Variants in TAF4 observed in about 807,000 individuals in gnomAD.
TAF4 encodes the protein TATA-box binding protein associated factor 4, also known as transcription initiation factor TFIID subunit 4.
In TAF4, 9 loss-of-function variants were observed where a neutral mutation model predicts 90.3. The observed-to-expected ratio is 0.10, with a 90% CI of 0.06 to 0.17. The LOEUF is 0.17. TAF4 is among the 10% of genes least tolerant of loss of function. The pLI, the probability that TAF4 is intolerant of heterozygous loss-of-function variation, is 1.00. For missense variants in TAF4, 1,351 were observed against 1,370.7 expected (o/e 0.99, Z 0.23); for synonymous variants, 818 against 638.9 (o/e 1.28, Z -4.23).
In TAF4 at chr20:62,001,223, T is replaced by C. The variant is rs557741919; in HGVS notation, c.2487-502A>G. Among the ~76,000 whole-genome samples, 10 of 152,288 alleles carry C rather than the reference T, an allele frequency of 6.6e-5. No homozygotes were observed. The East Asian group carries it at 1.2e-3, about 18-fold the overall frequency. On this transcript the variant is annotated intron_variant, in intron 9 of 14. Coordinates refer to ENST00000252996, the MANE Select transcript of TAF4 (RefSeq NM_003185.4). Reference sequence around the variant, plus strand: ...CATCCCCTCCAGAAGCAGGATGCCATTGAGACCGGGCCATGATGAATGGCC... The same window carrying C: ...CATCCCCTCCAGAAGCAGGATGCCACTGAGACCGGGCCATGATGAATGGCC...
At chr20:61,998,074 C>G in intron 13 of TAF4, 62 bp downstream of exon 13, 3 of 1,520,134 alleles carry the variant, frequency 2.0e-6, no homozygotes, top group Non-Finnish European at 2.7e-6. Flanking sequence ...TAGCCCCCCT[C>G]CCGTGGGGCG....
In TAF4 at chr20:62,038,909, C is replaced by T. The variant is rs140965440; in HGVS notation, c.1361-24202G>A. Among the ~76,000 whole-genome samples, 129 of 152,216 alleles carry T rather than the reference C, an allele frequency of 8.5e-4. 3 individuals are homozygous for T. In the Middle Eastern group the frequency reaches 0.01, roughly 12 times the overall value. On this transcript the variant is annotated intron_variant, in intron 1 of 14. Coordinates refer to ENST00000252996, the MANE Select transcript of TAF4 (RefSeq NM_003185.4). ...CTCTACTAAAAATACAAAAATTAGC[C>T]GGGTGTGGTGGCACGTGCCTGTAAT...
intron 4 of TAF4, among the ~76,000 whole-genome samples, chr20:62,009,383 C>A (rs1003684320): frequency 2.6e-5 from 4 of 152,254 alleles, no homozygotes; most frequent in Non-Finnish European, 5.9e-5. Context: ...GCATCTCCCT[C>A]AGCCCCGCAA....
rs142397291 is a variant in TAF4 at position 62,061,153 on chromosome 20, G to A, written c.1360+3298C>T. On this transcript the variant is annotated intron_variant, in intron 1 of 14. Transcript: ENST00000252996. ...GCCAGAGCACTGGCTGCCACCACTGGCCACCAGAACTCACAGCTCCTGCAA... is the reference window on the plus strand; with the variant it reads ...GCCAGAGCACTGGCTGCCACCACTGACCACCAGAACTCACAGCTCCTGCAA... Among the ~76,000 whole-genome samples the A allele has an allele frequency of 3.9e-5, 6 of 152,306 alleles. No homozygotes were observed. The East Asian group carries it at 1.2e-3, about 29-fold the overall frequency.
intron 1 of TAF4, among the ~76,000 whole-genome samples, chr20:62,030,075 G>A (rs946083314): frequency 3.3e-5 from 5 of 152,142 alleles, no homozygotes; most frequent in Admixed American, 2.0e-4. Flanking sequence ...CAATGCCAGC[G>A]CTGCGAGGCC....
chr20:61,999,034 T>C lies in TAF4; in HGVS notation c.2862A>G (p.Glu954=), dbSNP rs543105327. The C allele has an allele frequency of 2.3e-4, 375 of 1,614,098 alleles. 6 individuals carry two copies. The South Asian group carries it at 3.2e-3, about 14-fold the overall frequency. ...GCTCCTGCTCATCCTTCCTCTGCTTTTCGATTTGATCAAGCTGTTCAAAAA... is the reference window on the plus strand; with the variant it reads ...GCTCCTGCTCATCCTTCCTCTGCTTCTCGATTTGATCAAGCTGTTCAAAAA... ...LKFFEQLDQI[E]KQRKDEQERE... is the part of the protein sequence containing the mutation. The change falls in exon 12 of 15, where the codon GAA becomes GAG. Residue 954 remains glutamate, a synonymous_variant. Coordinates refer to ENST00000252996, the MANE Select transcript of TAF4 (RefSeq NM_003185.4).
intron 1 of TAF4, among the ~76,000 whole-genome samples, chr20:62,044,776 G>A (rs1482869983): frequency 6.6e-6 from 1 of 152,192 alleles, no homozygotes; most frequent in Admixed American, 6.5e-5. Context: ...AATGTGACCA[G>A]CATGACCAGC....
chr20:62,059,204 G>T (rs2056076504), intron 1 of TAF4, among the ~76,000 whole-genome samples: 1 of 152,240 alleles, frequency 6.6e-6, no homozygotes, highest in African/African-American at 2.4e-5. Context: ...GCAGAAGGCA[G>T]GCCTGGAGAA....
chr20:62,062,397 G>A (rs900030016), intron 1 of TAF4, among the ~76,000 whole-genome samples: 1 of 151,850 alleles, frequency 6.6e-6, no homozygotes, highest in Non-Finnish European at 1.5e-5. Flanking sequence ...TAGTTTTATT[G>A]ATACTTTTTT....
chr20:62,052,442 T>C (rs1017955004), intron 1 of TAF4, among the ~76,000 whole-genome samples: 3 of 151,974 alleles, frequency 2.0e-5, no homozygotes, highest in African/African-American at 7.3e-5. Context: ...AGCACTGCCA[T>C]CTGGAACCAG....
intron 1 of TAF4, among the ~76,000 whole-genome samples, chr20:62,032,132 A>G (rs1364345447): frequency 6.6e-6 from 1 of 152,224 alleles, no homozygotes; most frequent in Non-Finnish European, 1.5e-5. Flanking sequence ...TTGATCTGCT[A>G]ACTTAAAAAC....
chr20:62,010,108 C>A lies in TAF4; in HGVS notation c.1699G>T (p.Val567Phe). ...GTGCGCTGAGGAGTCCCCGTCTGAA[C>A]AGCCGTCGCCGTCCCAAGTGAAGCC... ...QTASLGTATA[V>F]QTGTPQRTVP... Residue 567 changes from valine to phenylalanine, a missense_variant, in exon 4 of 15, where the codon GTT becomes TTT. Around this residue, in one of 9 missense-constraint regions of TAF4, gnomAD observed 143 missense variants for 176.3 expected, o/e 0.81. Transcript: ENST00000252996. The surrounding 1 kb of genome is among the most constrained non-coding windows in gnomAD (Gnocchi z 4.5). 6.2e-7 allele frequency: 1 copy of A among 1,613,964 alleles called. No individual in the cohort carries two copies. Among genetic ancestry groups the A allele is most frequent in the Non-Finnish European group, 8.5e-7 (1 of 1,180,026 alleles).
In TAF4 at chr20:61,976,073, A is replaced by T; in HGVS notation, c.*95T>A. The T allele has an allele frequency of 7.5e-7, 1 of 1,341,040 alleles. No individual in the cohort carries two copies. The highest frequency in any genetic ancestry group is 1.8e-5 in the Admixed American group (1 of 55,626). 83.1% of individuals were successfully genotyped at this position (1,341,040 alleles called of 1,614,324 possible). A position where few individuals can be genotyped will look rare whatever the true frequency, so the allele number is the denominator to read the frequency against. ...CAGGAATATAAAACTGTTCCATTGT[A>T]AAGAGGTGGCTGTTTTTTAAACAAT... is the stretch of plus-strand genomic sequence containing the variant. On this transcript the variant is annotated 3_prime_UTR_variant, in exon 15 of 15. Coordinates refer to ENST00000252996, the MANE Select transcript of TAF4 (RefSeq NM_003185.4).
chr20:62,027,838 T>C (rs1301182384), intron 1 of TAF4, among the ~76,000 whole-genome samples: 1 of 152,204 alleles, frequency 6.6e-6, no homozygotes, highest in African/African-American at 2.4e-5. Context: ...CATCGCTCCA[T>C]GCGCACGGGG....
At chr20:62,000,065 C>A in intron 11 of TAF4, 59 bp downstream of exon 11, 2 of 1,612,770 alleles carry the variant, frequency 1.2e-6, no homozygotes, top group East Asian at 2.2e-5. Flanking sequence ...AGGCTCCCAG[C>A]CAGCAGAGAG....
Position 62,009,070 on chromosome 20 carries a change from C to T in TAF4, c.1866G>A (p.Glu622=). The T allele has an allele frequency of 6.2e-7, 1 of 1,613,128 alleles. No homozygotes were observed. The highest frequency in any genetic ancestry group is 1.7e-4 in the Middle Eastern group (1 of 6,058). The change falls in exon 5 of 15, where the codon GAG becomes GAA. Residue 622 remains glutamate, a synonymous_variant. Coordinates refer to ENST00000252996, the MANE Select transcript of TAF4 (RefSeq NM_003185.4). ...TTCTCACCAGTAAATTCTGCACGAG[C>T]TCTTTCACATTAGCTGCTGTCTCTG... is the stretch of plus-strand genomic sequence containing the variant. ...QSTETAANVK[E]LVQNLLDGKI...
intron 1 of TAF4, among the ~76,000 whole-genome samples, chr20:62,057,175 G>A (rs767580598): frequency 3.9e-5 from 6 of 152,156 alleles, no homozygotes; most frequent in South Asian, 2.1e-4. Context: ...CCTTGCCACC[G>A]GCAGCACCTC....
intron 1 of TAF4, among the ~76,000 whole-genome samples, chr20:62,057,070 T>C (rs1337603198): frequency 1.3e-5 from 2 of 152,150 alleles, no homozygotes; most frequent in Non-Finnish European, 2.9e-5. Flanking sequence ...CAGAACTTCC[T>C]TTAAAAACTT....
At chr20:62,062,201 C>T (rs1448539209) in intron 1 of TAF4, among the ~76,000 whole-genome samples, 3 of 152,204 alleles carry the variant, frequency 2.0e-5, no homozygotes, top group East Asian at 1.9e-4. Flanking sequence ...TTATAAGTTA[C>T]TTCCATCTTT....
Sources: gnomAD v4.1 joint callset for allele counts (sites outside exome capture counted in the v4.1 genomes callset) on GRCh38, gnomAD v4.1.1 for gene constraint, gnomAD v4.1.1 regional missense constraint, Gnocchi (gnomAD v3.1) non-coding constraint, MANE v1.5 for transcripts, NCBI Gene and HGNC (gene_info 2026-07-23, HGNC 2026-07-21) for gene names.